SLC38A6: variants seen among roughly 807,000 people sequenced by gnomAD.
SLC38A6 encodes the protein N system amino acid transporter NAT-1.
SLC38A6 carries 73 observed loss-of-function variants against 65.0 expected under a neutral mutation model. That is an observed-to-expected ratio of 1.12 (90% confidence interval 0.93 to 1.37). The LOEUF is 1.37. SLC38A6 is among the 40% of genes most tolerant of loss of function. The pLI, the probability that SLC38A6 is intolerant of heterozygous loss-of-function variation, is 0.00. For synonymous variants in SLC38A6, 183 were observed against 178.8 expected, an observed-to-expected ratio of 1.02 and a Z score of -0.19; for missense variants, 561 against 531.1, an observed-to-expected ratio of 1.06 and a Z score of -0.55.
At chr14:61,019,602 G>C in intron 5 of SLC38A6, 22 bp downstream of exon 5, 9 of 1,610,082 alleles carry the variant, frequency 5.6e-6, no homozygotes, top group Non-Finnish European at 7.6e-6. Flanking sequence ...CAAGTGCACT[G>C]TTTATACATA....
chr14:61,074,757 A>G (rs991131507), intron 15 of SLC38A6, among the ~76,000 whole-genome samples: 49 of 134,274 alleles, frequency 3.6e-4, no homozygotes, highest in African/African-American at 1.3e-3. Context: ...TCTTTCACAA[A>G]TGTTGTCCCT....
chr14:61,082,092 C>T (rs1332501289), intron 16 of SLC38A6, among the ~76,000 whole-genome samples: 1 of 152,130 alleles, frequency 6.6e-6, no homozygotes, highest in African/African-American at 2.4e-5. Context: ...TGCTTTTCTG[C>T]ATCCCCACAC....
intron 3 of SLC38A6, among the ~76,000 whole-genome samples, chr14:61,008,989 G>C (rs2039352046): frequency 6.6e-6 from 1 of 152,088 alleles, no homozygotes; most frequent in Non-Finnish European, 1.5e-5. Context: ...ATCCAGCATG[G>C]GTAGTTGTTA....
chr14:61,010,624 A>G (rs1206308590), intron 3 of SLC38A6, among the ~76,000 whole-genome samples: 2 of 152,188 alleles, frequency 1.3e-5, no homozygotes, highest in East Asian at 1.9e-4. Context: ...TCCCAGCACC[A>G]TTTATTAAAT....
At chr14:61,048,333 G>A (rs2042287691) in intron 12 of SLC38A6, 1 of 330,280 alleles carries the variant, frequency 3.0e-6, no homozygotes, top group Non-Finnish European at 6.0e-6. Flanking sequence ...TGTTATTTCT[G>A]CTACTTTGTG....
intron 15 of SLC38A6, among the ~76,000 whole-genome samples, chr14:61,075,214 A>C (rs1359872209): frequency 6.6e-6 from 1 of 152,182 alleles, no homozygotes; most frequent in Non-Finnish European, 1.5e-5. Context: ...TTCAGTTTTA[A>C]TTTGCCTGTC....
intron 3 of SLC38A6, among the ~76,000 whole-genome samples, chr14:61,005,296 A>T (rs1338771144): frequency 1.6e-5 from 2 of 124,624 alleles, no homozygotes; most frequent in Middle Eastern, 4.1e-3. Flanking sequence ...CTCTCTCACC[A>T]CTCCTATTCA....
At chr14:61,050,143 C>A (rs1163299152) in intron 12 of SLC38A6, among the ~76,000 whole-genome samples, 1 of 152,092 alleles carries the variant, frequency 6.6e-6, no homozygotes, top group East Asian at 1.9e-4. Flanking sequence ...TTTGGACCTA[C>A]CTGCGTATTA....
At chr14:61,047,380 G>A (rs150724947) in intron 12 of SLC38A6, among the ~76,000 whole-genome samples, 82 of 152,250 alleles carry the variant, frequency 5.4e-4, no homozygotes, top group Middle Eastern at 3.4e-3. Flanking sequence ...TTAAGACAGT[G>A]TCAGGTATTT....
chr14:61,047,955 TTAGA>T lies in SLC38A6; in HGVS notation c.925+1807_925+1810del, dbSNP rs200441090. On this transcript the variant is annotated intron_variant, in intron 12 of 15. Transcript: ENST00000267488. ...GATGGGTGGATGAATAGATGATAGA[TTAGA>T]TAGATAGATAGATAGATACATACAT... 6.6e-3 allele frequency among the ~76,000 whole-genome samples: 993 copies of T among 149,858 alleles called. 8 individuals carry two copies. Among genetic ancestry groups the T allele is most frequent in the African/African-American group, 0.016 (665 of 40,630 alleles).
chr14:61,014,092 C>CT (rs1404593539), intron 3 of SLC38A6, among the ~76,000 whole-genome samples: 3 of 152,104 alleles, frequency 2.0e-5, no homozygotes, highest in African/African-American at 7.2e-5. Flanking sequence ...TCTTTTTATT[C>CT]TTTTTTCTCT....
intron 15 of SLC38A6, among the ~76,000 whole-genome samples, chr14:61,068,340 A>C (rs1375430400): frequency 6.6e-6 from 1 of 152,128 alleles, no homozygotes; most frequent in African/African-American, 2.4e-5. Flanking sequence ...ATCAGATTAT[A>C]TTGCTACCCT....
Position 61,083,439 on chromosome 14 carries a change from T to C in SLC38A6, c.1409-116T>C, listed in dbSNP as rs182387233. The C allele has an allele frequency of 1.2e-4, 165 of 1,428,914 alleles. No individual in the cohort carries two copies. The African/African-American group carries it at 2.1e-3, about 18-fold the overall frequency. 88.5% of individuals were successfully genotyped at this position (1,428,914 alleles called of 1,614,324 possible). A position where few individuals can be genotyped will look rare whatever the true frequency, so the allele number is the denominator to read the frequency against. On this transcript the variant is annotated intron_variant, in intron 16 of 16. Coordinates refer to the SLC38A6 transcript ENST00000354886. ...CCAAATTCGTAGGTTGAGGCCCCAA[T>C]CCCCAGGACCTCAGAATGCAACTGT...
chr14:61,067,726 T>C (rs879425133), intron 15 of SLC38A6, among the ~76,000 whole-genome samples: 4 of 151,866 alleles, frequency 2.6e-5, no homozygotes, highest in Admixed American at 2.0e-4. Context: ...TATATATATA[T>C]ACACATATGT....
intron 15 of SLC38A6, among the ~76,000 whole-genome samples, chr14:61,071,032 C>G (rs1177651876): frequency 6.6e-6 from 1 of 152,054 alleles, no homozygotes; most frequent in East Asian, 1.9e-4. Flanking sequence ...TGCAGAATCT[C>G]TTCTGTTGGA....
intron 3 of SLC38A6, among the ~76,000 whole-genome samples, chr14:60,997,767 A>G (rs769141209): frequency 1.3e-5 from 2 of 152,238 alleles, no homozygotes; most frequent in Non-Finnish European, 1.5e-5. Context: ...AATGTGGACA[A>G]TAAAGGAGAA....
intron 8 of SLC38A6, among the ~76,000 whole-genome samples, chr14:61,039,725 G>A (rs574667746): frequency 6.6e-6 from 1 of 151,832 alleles, no homozygotes; most frequent in Admixed American, 6.6e-5. Flanking sequence ...ATAGTGGTTA[G>A]GAAAAGGAAA....
At chr14:61,051,682 G>A in intron 13 of SLC38A6, 105 bp from the exon 14 acceptor site, 10 of 1,248,604 alleles carry the variant, frequency 8.0e-6, no homozygotes, top group Non-Finnish European at 6.8e-6. Context: ...AAATCTAAAT[G>A]ATGTAGGAGG....
chr14:61,045,984 T>G lies in SLC38A6; in HGVS notation c.825-83T>G, dbSNP rs2042123138. On this transcript the variant is annotated intron_variant, in intron 11 of 15. Coordinates refer to ENST00000267488, the MANE Select transcript of SLC38A6 (RefSeq NM_153811.3). ...ATGGAGTTGTTCTTGAATGAGGAAT[T>G]CTCTCGACCAGCTTAGGACATACTT... is the stretch of plus-strand genomic sequence containing the variant. 3 of 741,150 alleles carry G rather than the reference T, an allele frequency of 4.0e-6. No homozygotes were observed. In the East Asian group the frequency reaches 7.9e-5, roughly 19 times the overall value. The allele number at this position is 741,150 out of a possible 1,614,324, so 45.9% of individuals were successfully genotyped here.
Sources: gnomAD v4.1 joint callset for allele counts (sites outside exome capture counted in the v4.1 genomes callset) on GRCh38, gnomAD v4.1.1 for gene constraint, MANE v1.5 for transcripts, NCBI Gene and HGNC (gene_info 2026-07-23, HGNC 2026-07-21) for gene names.